Variants in ABCA8 observed in about 807,000 individuals in gnomAD.
The protein encoded by ABCA8 is ATP binding cassette subfamily A member 8, also known as ABC-type organic anion transporter ABCA8.
A neutral mutation model predicts 192.3 loss-of-function variants in ABCA8; 177 were observed. The observed-to-expected ratio is 0.92, with a 90% CI of 0.81 to 1.04. The LOEUF is 1.04. Ranked by LOEUF, ABCA8 falls within the 50% of genes least tolerant of loss-of-function variation. The probability of loss-of-function intolerance (pLI) is 0.00; values close to 1 mark genes in which losing one functional copy is unlikely to be tolerated. For synonymous variants in ABCA8, 642 were observed against 690.2 expected (o/e 0.93, Z 1.09); for missense variants, 1,915 against 1,904.8 (o/e 1.01, Z -0.10).
intron 2 of ABCA8, among the ~76,000 whole-genome samples, chr17:68,942,333 T>C (rs1373127913): frequency 6.6e-6 from 1 of 152,220 alleles, no homozygotes; most frequent in African/African-American, 2.4e-5. Flanking sequence ...CTGAATCCTT[T>C]AAGTACTTTC....
intron 30 of ABCA8, 80 bp downstream of exon 30, chr17:68,882,518 TA>T: frequency 7.7e-7 from 1 of 1,298,146 alleles, no homozygotes; most frequent in Non-Finnish European, 1.0e-6. Context: ...TCCTCATTTG[TA>T]AGGAACAGAG....
chr17:68,904,685 T>C (rs1164542821), intron 19 of ABCA8, among the ~76,000 whole-genome samples: 1 of 152,100 alleles, frequency 6.6e-6, no homozygotes, highest in Non-Finnish European at 1.5e-5. Flanking sequence ...ATCTACGAAC[T>C]TTTTTTCGTG....
In ABCA8 at chr17:68,904,967, G is replaced by A. The variant is rs75825620; in HGVS notation, c.2398+1077C>T. Among the ~76,000 whole-genome samples the A allele has an allele frequency of 1.1e-3, 172 of 152,258 alleles. 2 individuals are homozygous for A. The highest frequency in any genetic ancestry group is 3.8e-3 in the African/African-American group (156 of 41,544). ...CATTATTGAGATATTTGATAGCAGG[G>A]CTATAGAGAAATATATAGAATTTTT... On this transcript the variant is annotated intron_variant, in intron 19 of 39. Transcript: ENST00000586539.
At chr17:68,902,608 C>T (rs1413282624) in intron 21 of ABCA8, 105 bp downstream of exon 21, 1 of 959,632 alleles carries the variant, frequency 1.0e-6, no homozygotes, top group Non-Finnish European at 1.5e-6. Flanking sequence ...TGTTTTTTAA[C>T]ACATGCTGAA....
intron 18 of ABCA8, among the ~76,000 whole-genome samples, chr17:68,906,414 A>G (rs1039359434): frequency 6.6e-6 from 1 of 152,104 alleles, no homozygotes; most frequent in African/African-American, 2.4e-5. Context: ...ATTTCTATTA[A>G]AGTTTAATCT....
chr17:68,870,429 A>T (rs1275951919), intron 37 of ABCA8, among the ~76,000 whole-genome samples: 3 of 152,232 alleles, frequency 2.0e-5, no homozygotes, highest in African/African-American at 7.2e-5. Context: ...TCAGTGGGAC[A>T]AAAGAGAGTA....
At chr17:68,927,859 G>A in intron 10 of ABCA8, 57 bp downstream of exon 10, 1 of 1,307,556 alleles carries the variant, frequency 7.6e-7, no homozygotes, top group East Asian at 2.6e-5. Flanking sequence ...TAGGAGATTT[G>A]TTTTCAGAAA....
chr17:68,902,807 A>G lies in ABCA8; in HGVS notation c.2670T>C (p.Ser890=), dbSNP rs1206853333. ...EYTMVKIYQN[S]YTWELSPHLY... Reference sequence around the variant, plus strand: ...AATGAGGAGAAAGTTCCCAGGTGTAACTGTTTTGATATATTTTCACCATGG... The same window carrying G: ...AATGAGGAGAAAGTTCCCAGGTGTAGCTGTTTTGATATATTTTCACCATGG... The change falls in exon 21 of 40, where the codon AGT becomes AGC. Residue 890 remains serine (S), a synonymous_variant. Coordinates refer to ENST00000586539, the MANE Select transcript of ABCA8 (RefSeq NM_001288985.2). 6.2e-7 allele frequency: 1 copy of G among 1,613,824 alleles called. No individual in the cohort carries two copies. Among genetic ancestry groups the G allele is most frequent in the East Asian group, 2.2e-5 (1 of 44,830 alleles).
chr17:68,922,415 C>CATGT, intron 11 of ABCA8, 115 bp from the exon 12 acceptor site: 1 of 705,300 alleles, frequency 1.4e-6, no homozygotes, highest in Non-Finnish European at 2.2e-6. Context: ...TCTGGGTCTT[C>CATGT]ACTCTCACAC....
At chr17:68,883,246 T>C (rs1598194773) in intron 29 of ABCA8, among the ~76,000 whole-genome samples, 1 of 152,330 alleles carries the variant, frequency 6.6e-6, no homozygotes, top group East Asian at 1.9e-4. Flanking sequence ...CAGTCTCCCA[T>C]CCAACTTTCT....
At chr17:68,872,799 G>GA (rs2143209523) in intron 37 of ABCA8, among the ~76,000 whole-genome samples, 1 of 151,350 alleles carries the variant, frequency 6.6e-6, no homozygotes, top group East Asian at 1.9e-4. Context: ...ATGTTAAGTA[G>GA]AAAAAACAAA....
At position 68,918,073 on chromosome 17, in the gene ABCA8, A is replaced by G; in HGVS notation, c.2021T>C (p.Phe674Ser). The G allele has an allele frequency of 2.5e-6, 4 of 1,614,192 alleles. No individual in the cohort carries two copies. Among genetic ancestry groups the G allele is most frequent in the Non-Finnish European group, 3.4e-6 (4 of 1,180,034 alleles). The change falls in exon 16 of 40, where the codon TTC becomes TCC. Residue 674 changes from phenylalanine (F) to serine (S), a missense_variant. By Grantham distance (155) the Phe-to-Ser change is radical. Coordinates refer to ENST00000586539, the MANE Select transcript of ABCA8 (RefSeq NM_001288985.2). ...TDRVILFSTQFMDEADILADR... is the reference protein window; with the variant it reads ...TDRVILFSTQSMDEADILADR... ...CGCCAGGATGTCGGCCTCATCCATG[A>G]ACTGGGTACTGAAGAGGATCACGCG...
intron 16 of ABCA8, 121 bp downstream of exon 16, chr17:68,917,926 A>G: frequency 1.7e-6 from 2 of 1,209,286 alleles, no homozygotes; most frequent in South Asian, 1.8e-5. Context: ...ACCACCAGCC[A>G]TTCAATTTAC....
At chr17:68,922,590 G>A (rs1186283392) in intron 11 of ABCA8, among the ~76,000 whole-genome samples, 3 of 152,026 alleles carry the variant, frequency 2.0e-5, no homozygotes, top group Non-Finnish European at 1.5e-5. Context: ...TATTAGTATT[G>A]AGAACGGGAT....
At chr17:68,943,044 T>C (rs2068276731) in intron 2 of ABCA8, among the ~76,000 whole-genome samples, 1 of 152,176 alleles carries the variant, frequency 6.6e-6, no homozygotes, top group Admixed American at 6.5e-5. Context: ...TAATGGGATC[T>C]TTGTTATTTC....
chr17:68,923,827 G>T (rs1405353536), intron 11 of ABCA8, among the ~76,000 whole-genome samples: 1 of 152,134 alleles, frequency 6.6e-6, no homozygotes, highest in Non-Finnish European at 1.5e-5. Flanking sequence ...GTATGACTTG[G>T]ACAGCCAAGG....
intron 21 of ABCA8, among the ~76,000 whole-genome samples, chr17:68,899,142 T>C (rs1252653701): frequency 6.6e-6 from 1 of 151,508 alleles, no homozygotes; most frequent in Non-Finnish European, 1.5e-5. Context: ...AGATATTCAA[T>C]GCCAAAGAAA....
chr17:68,891,703 T>A lies in ABCA8; in HGVS notation c.3037-107A>T, dbSNP rs2066627657. 4 of 781,368 alleles carry A rather than the reference T, an allele frequency of 5.1e-6. No individual in the cohort carries two copies. The South Asian group carries it at 7.2e-5, about 14-fold the overall frequency. The allele number at this position is 781,368 out of a possible 1,614,324, so 48.4% of individuals were successfully genotyped here. A position where few individuals can be genotyped will look rare whatever the true frequency, so the allele number is the denominator to read the frequency against. On this transcript the variant is annotated intron_variant, in intron 23 of 39. Transcript: ENST00000586539. Reference sequence around the variant, plus strand: ...TAAGTTTACATAATTCTGCCTTAGGTCCCTTTTGAGATTCCCAGATTCCTT... The same window carrying A: ...TAAGTTTACATAATTCTGCCTTAGGACCCTTTTGAGATTCCCAGATTCCTT...
At chr17:68,921,037 C>T (rs897376342) in intron 13 of ABCA8, among the ~76,000 whole-genome samples, 3 of 152,090 alleles carry the variant, frequency 2.0e-5, no homozygotes, top group South Asian at 2.1e-4. Flanking sequence ...ATGATGAGTT[C>T]GTGTCCTTTG....
Sources: gnomAD v4.1 joint callset for allele counts (sites outside exome capture counted in the v4.1 genomes callset) on GRCh38, gnomAD v4.1.1 for gene constraint, MANE v1.5 for transcripts, NCBI Gene and HGNC (gene_info 2026-07-23, HGNC 2026-07-21) for gene names.